The following ANKRD17 variants were observed in gnomAD, a reference collection of about 807,000 sequenced individuals.
ANKRD17 encodes the protein ankyrin repeat domain 17, also known as ankyrin repeat domain-containing protein 17.
A neutral mutation model predicts 229.7 loss-of-function variants in ANKRD17; 19 were observed. The ratio of observed to expected loss-of-function variants is 0.08; its 90% CI spans 0.06 to 0.12. The LOEUF (loss-of-function observed/expected upper bound fraction) is 0.12. ANKRD17 is among the 10% of genes least tolerant of loss of function. ANKRD17 has a pLI of 1.00. For missense variants in ANKRD17, 2,176 were observed against 3,176.8 expected, an observed-to-expected ratio of 0.68 and a Z score of 7.57; for synonymous variants, 1,112 against 1,146.1, an observed-to-expected ratio of 0.97 and a Z score of 0.60.
Position 73,135,138 on chromosome 4 carries a change from A to T in ANKRD17, c.3213T>A (p.Pro1071=). The T allele has an allele frequency of 6.2e-7, 1 of 1,613,624 alleles. No individual in the cohort carries two copies. The highest frequency in any genetic ancestry group is 8.5e-7 in the Non-Finnish European group (1 of 1,179,714). Residue 1071 remains proline (P), a synonymous_variant, in exon 16 of 34, where the codon CCT becomes CCA. Coordinates refer to ENST00000358602, the MANE Select transcript of ANKRD17 (RefSeq NM_032217.5). The part of the protein sequence containing the change: ...ISPSAMLPIY[P]AIDIDAQTES... The stretch of plus-strand genomic sequence containing the variant: ...TTACCTGTGCATCAATATCAATGGC[A>T]GGGTAGATAGGAAGCATGGCTGAAG...
intron 25 of ANKRD17, among the ~76,000 whole-genome samples, chr4:73,099,681 C>T (rs1723728855): frequency 6.6e-6 from 1 of 152,192 alleles, no homozygotes; most frequent in Non-Finnish European, 1.5e-5. Context: ...TTCCCCCAGC[C>T]AAACTGTGTT....
intron 10 of ANKRD17, among the ~76,000 whole-genome samples, chr4:73,145,251 C>G (rs1170386442): frequency 6.6e-6 from 1 of 152,124 alleles, no homozygotes; most frequent in African/African-American, 2.4e-5. Context: ...AGTTATTTTC[C>G]TCTTATGAGT....
Position 73,091,388 on chromosome 4 carries a change from A to G in ANKRD17, c.6240T>C (p.Gly2080=). The G allele has an allele frequency of 6.2e-7, 1 of 1,614,120 alleles. No homozygotes were observed. Among genetic ancestry groups the G allele is most frequent in the Middle Eastern group, 1.6e-4 (1 of 6,062 alleles). The change falls in exon 29 of 34, where the codon GGT becomes GGC. Residue 2080 remains glycine, a synonymous_variant. Transcript: ENST00000358602. The part of the protein sequence containing the change: ...KVASSSEQEA[G]SPPVVETTNT... ...TTGTTGTTTCTACTACTGGTGGACTACCTGCTTCCTGTTCGGAGGAAGATG... is the reference window on the plus strand; with the variant it reads ...TTGTTGTTTCTACTACTGGTGGACTGCCTGCTTCCTGTTCGGAGGAAGATG...
intron 1 of ANKRD17, among the ~76,000 whole-genome samples, chr4:73,181,015 A>G (rs546445940): frequency 6.6e-6 from 1 of 152,356 alleles, no homozygotes; most frequent in African/African-American, 2.4e-5. Context: ...CAACTATTGA[A>G]TAAGTCAGAA....
At chr4:73,085,580 G>A in intron 29 of ANKRD17, 134 bp from the exon 30 acceptor site, 2 of 789,256 alleles carry the variant, frequency 2.5e-6, no homozygotes, top group Non-Finnish European at 3.9e-6. Flanking sequence ...TGGGAGTGGT[G>A]GCCCACATCT....
At chr4:73,199,312 A>G (rs1738338424) in intron 1 of ANKRD17, among the ~76,000 whole-genome samples, 1 of 151,990 alleles carries the variant, frequency 6.6e-6, no homozygotes, top group Non-Finnish European at 1.5e-5. Flanking sequence ...AAGGAGGGAA[A>G]AAAAGCCAGC....
intron 29 of ANKRD17, among the ~76,000 whole-genome samples, chr4:73,087,087 C>A (rs1246563745): frequency 6.0e-5 from 9 of 149,052 alleles, no homozygotes; most frequent in Non-Finnish European, 1.3e-4. Flanking sequence ...CTTTCCACAG[C>A]CAATACTGGA....
At chr4:73,243,850 AG>A (rs1225441161) in intron 1 of ANKRD17, among the ~76,000 whole-genome samples, 1 of 152,228 alleles carries the variant, frequency 6.6e-6, no homozygotes, top group African/African-American at 2.4e-5. Flanking sequence ...ATTCCTCAAA[AG>A]GAAGTTACCT....
chr4:73,185,902 G>T (rs1184437124), intron 1 of ANKRD17, among the ~76,000 whole-genome samples: 1 of 151,916 alleles, frequency 6.6e-6, no homozygotes, highest in African/African-American at 2.4e-5. Context: ...AAAGTGAATA[G>T]AAAAATTAAG....
At chr4:73,199,757 T>C (rs1003124658) in intron 1 of ANKRD17, among the ~76,000 whole-genome samples, 1 of 152,214 alleles carries the variant, frequency 6.6e-6, no homozygotes, top group Non-Finnish European at 1.5e-5. Flanking sequence ...AAGCTCAATA[T>C]GAGTAATAAC....
At chr4:73,247,018 T>C (rs934075812) in intron 1 of ANKRD17, among the ~76,000 whole-genome samples, 1 of 152,076 alleles carries the variant, frequency 6.6e-6, no homozygotes, top group African/African-American at 2.4e-5. Context: ...GAAAACAATG[T>C]CAAGGGAGAA....
intron 1 of ANKRD17, among the ~76,000 whole-genome samples, chr4:73,252,016 G>A (rs910923327): frequency 2.0e-5 from 3 of 152,212 alleles, no homozygotes; most frequent in African/African-American, 7.2e-5. Flanking sequence ...GGGATCTACT[G>A]TAAATAATAG....
At position 73,141,768 on chromosome 4, in the gene ANKRD17, C is replaced by G. The variant is rs1219533810; in HGVS notation, c.2305G>C (p.Ala769Pro). 1 of 1,613,682 alleles carries G rather than the reference C, an allele frequency of 6.2e-7. No homozygotes were observed. Among genetic ancestry groups the G allele is most frequent in the African/African-American group, 1.3e-5 (1 of 74,834 alleles). The change falls in exon 14 of 34, where the codon GCC (alanine) becomes CCC (proline). Residue 769 changes from alanine to proline, a missense_variant. Around this residue, in one of 18 missense-constraint regions of ANKRD17, gnomAD observed 275 missense variants for 386.9 expected, o/e 0.71. Coordinates refer to ENST00000358602, the MANE Select transcript of ANKRD17 (RefSeq NM_032217.5). ...TTATTCCTGATGGGAAGAGTGGTGG[C>G]AACATTGGCAGGTGGTTTGTCAGGC... is the stretch of plus-strand genomic sequence containing the variant. ...QEPDKPPANVATTLPIRNKAA... is the reference protein window; with the variant it reads ...QEPDKPPANVPTTLPIRNKAA...
At chr4:73,139,406 TA>T in intron 15 of ANKRD17, 124 bp downstream of exon 15, 1 of 1,127,048 alleles carries the variant, frequency 8.9e-7, no homozygotes, top group Non-Finnish European at 1.2e-6. Flanking sequence ...CTAATACTTC[TA>T]AAGCTAGACA....
intron 18 of ANKRD17, among the ~76,000 whole-genome samples, chr4:73,124,446 C>G (rs1370756838): frequency 6.6e-6 from 1 of 152,016 alleles, no homozygotes; most frequent in Non-Finnish European, 1.5e-5. Context: ...TATCTGAGAA[C>G]CTTTCCTCCA....
At chr4:73,244,370 C>G (rs1744302378) in intron 1 of ANKRD17, among the ~76,000 whole-genome samples, 1 of 152,044 alleles carries the variant, frequency 6.6e-6, no homozygotes, top group Non-Finnish European at 1.5e-5. Context: ...GCAGAGCTGT[C>G]CAATAAAACT....
chr4:73,232,592 C>T (rs998223271), intron 1 of ANKRD17, among the ~76,000 whole-genome samples: 3 of 152,154 alleles, frequency 2.0e-5, no homozygotes, highest in Admixed American at 6.5e-5. Flanking sequence ...TTTCTAATTT[C>T]CTAGAATTAA....
chr4:73,116,198 G>T (rs1578096475), intron 22 of ANKRD17, among the ~76,000 whole-genome samples: 1 of 151,816 alleles, frequency 6.6e-6, no homozygotes, highest in Non-Finnish European at 1.5e-5. Context: ...ACAAAGAGTA[G>T]GGGATATGTC....
intron 2 of ANKRD17, among the ~76,000 whole-genome samples, chr4:73,168,302 T>C (rs1047109528): frequency 1.3e-5 from 2 of 152,214 alleles, no homozygotes; most frequent in Non-Finnish European, 2.9e-5. Context: ...TCTTAAACCA[T>C]GAACAATTAG....
Sources: gnomAD v4.1 joint callset for allele counts (sites outside exome capture counted in the v4.1 genomes callset) on GRCh38, gnomAD v4.1.1 for gene constraint, gnomAD v4.1.1 regional missense constraint, MANE v1.5 for transcripts, NCBI Gene and HGNC (gene_info 2026-07-23, HGNC 2026-07-21) for gene names.